Variants in PIGB observed in about 807,000 individuals in gnomAD.
PIGB encodes phosphatidylinositol glycan anchor biosynthesis class B, also known as GPI alpha-1,2-mannosyltransferase 3.
In PIGB, 58 loss-of-function variants were observed where a neutral mutation model predicts 68.4. That is an observed-to-expected ratio of 0.85 (90% CI 0.69 to 1.06). The LOEUF (loss-of-function observed/expected upper bound fraction) is 1.06, where lower values mean the gene tolerates loss of function less well. Among genes scored for constraint, PIGB ranks in the 50% least tolerant of loss-of-function variants. PIGB has a pLI of 0.00. For synonymous variants in PIGB, 219 were observed against 220.5 expected (o/e 0.99, Z 0.06); for missense variants, 634 against 655.8 (o/e 0.97, Z 0.36).
chr15:55,339,183 G>C (rs2055606401), intron 6 of PIGB, 84 bp from the exon 7 acceptor site: 1 of 885,050 alleles, frequency 1.1e-6, no homozygotes, highest in East Asian at 2.7e-5. Flanking sequence ...GGCTTTTGAT[G>C]CAAGGCACGT....
chr15:55,355,169 TTC>T (rs2056048564), intron 11 of PIGB, 115 bp from the exon 12 acceptor site: 2 of 946,872 alleles, frequency 2.1e-6, no homozygotes, highest in East Asian at 2.6e-5. Context: ...TATAAGTTAA[TTC>T]TTTTATTAAG....
At chr15:55,347,877 T>C (rs749564388) in intron 9 of PIGB, among the ~76,000 whole-genome samples, 1 of 152,096 alleles carries the variant, frequency 6.6e-6, no homozygotes, top group Middle Eastern at 3.2e-3. Context: ...ACAAGCATGT[T>C]ATCTTCCAGC....
At chr15:55,345,304 A>G (rs953202611) in intron 9 of PIGB, among the ~76,000 whole-genome samples, 1 of 152,152 alleles carries the variant, frequency 6.6e-6, no homozygotes, top group African/African-American at 2.4e-5. Flanking sequence ...CTCCCCAAAA[A>G]CAATCAGTTA....
chr15:55,327,198 T>C (rs2141171816), intron 3 of PIGB, among the ~76,000 whole-genome samples: 1 of 142,044 alleles, frequency 7.0e-6, no homozygotes, highest in East Asian at 2.1e-4. Flanking sequence ...ATGAGACTGG[T>C]AAATATCATA....
intron 4 of PIGB, 132 bp from the exon 5 acceptor site, chr15:55,329,592 A>G (rs1221366663): frequency 1.2e-5 from 8 of 669,080 alleles, no homozygotes; most frequent in African/African-American, 1.1e-4. Flanking sequence ...GGGCATGCCT[A>G]CTTACTTTAA....
intron 1 of PIGB, 179 bp from the exon 2 acceptor site, chr15:55,320,096 C>G (rs1409224865): frequency 6.7e-6 from 3 of 446,000 alleles, no homozygotes; most frequent in Non-Finnish European, 8.0e-6. Flanking sequence ...TGGCAGTCAC[C>G]CAGTGATGAC....
At chr15:55,351,838 A>G (rs1343470688) in intron 10 of PIGB, 2 of 103,204 alleles carry the variant, frequency 1.9e-5, no homozygotes, top group Non-Finnish European at 3.7e-5. Context: ...CACCAGGTGC[A>G]CTCCAGCCTG....
At chr15:55,332,738 T>G (rs1382422667) in intron 5 of PIGB, among the ~76,000 whole-genome samples, 1 of 152,228 alleles carries the variant, frequency 6.6e-6, no homozygotes, top group Non-Finnish European at 1.5e-5. Context: ...GGTTGTCTTA[T>G]TTTGCTTTCT....
intron 4 of PIGB, among the ~76,000 whole-genome samples, chr15:55,329,055 G>A (rs2055354075): frequency 6.6e-6 from 1 of 152,212 alleles, no homozygotes; most frequent in African/African-American, 2.4e-5. Context: ...TATTTGGTGA[G>A]ATGGGAAGCT....
chr15:55,319,778 A>G (rs915150513), intron 1 of PIGB: 4 of 200,784 alleles, frequency 2.0e-5, no homozygotes, highest in Non-Finnish European at 4.1e-5. Context: ...TGGGGCTAAT[A>G]ATACCTATCC....
At chr15:55,337,197 C>A (rs2055557062) in intron 6 of PIGB, among the ~76,000 whole-genome samples, 1 of 152,166 alleles carries the variant, frequency 6.6e-6, no homozygotes, top group African/African-American at 2.4e-5. Flanking sequence ...TATACATCCA[C>A]CCAAATGGCT....
intron 6 of PIGB, among the ~76,000 whole-genome samples, chr15:55,335,751 G>A (rs1230670709): frequency 1.3e-5 from 2 of 152,040 alleles, no homozygotes; most frequent in South Asian, 2.1e-4. Context: ...AGGCAAAGGG[G>A]CCAGCCAAGT....
chr15:55,347,047 G>A (rs2055810029), intron 9 of PIGB, among the ~76,000 whole-genome samples: 1 of 152,174 alleles, frequency 6.6e-6, no homozygotes, highest in African/African-American at 2.4e-5. Context: ...TCTAACATGT[G>A]CACAAGTCAT....
intron 6 of PIGB, among the ~76,000 whole-genome samples, chr15:55,337,272 T>C (rs1296123611): frequency 6.6e-6 from 1 of 152,198 alleles, no homozygotes; most frequent in Admixed American, 6.5e-5. Flanking sequence ...TGGAAAACTT[T>C]TAAGTACTTA....
chr15:55,336,984 C>T (rs2141191905), intron 6 of PIGB, among the ~76,000 whole-genome samples: 1 of 152,216 alleles, frequency 6.6e-6, no homozygotes, highest in South Asian at 2.1e-4. Context: ...AGTGAGGCTC[C>T]ATCTCAAAAA....
rs2055105689 is a variant in PIGB, at chr15:55,319,286, G to C, written c.36G>C (p.Pro12=). 6.2e-7 allele frequency: 1 copy of C among 1,605,850 alleles called. No homozygotes were observed. Among genetic ancestry groups the C allele is most frequent in the South Asian group, 1.1e-5 (1 of 88,994 alleles). The change falls in exon 1 of 12, where the codon CCG becomes CCC. Residue 12 remains proline, a synonymous_variant. Transcript: ENST00000164305. The stretch of plus-strand genomic sequence containing the variant: ...CCCTAAGCAAGTGCGGAATGGAGCC[G>C]GGGGGCGGAGATGCCAGCCTCACTT... The part of the protein sequence containing the change: ...RRPLSKCGME[P]GGGDASLTLH...
intron 6 of PIGB, among the ~76,000 whole-genome samples, chr15:55,336,068 T>G (rs1450532381): frequency 4.6e-5 from 7 of 152,198 alleles, no homozygotes; most frequent in Non-Finnish European, 2.9e-5. Flanking sequence ...CAGATGCTCC[T>G]TGACTCAGGG....
At chr15:55,345,889 G>T (rs17238262) in intron 9 of PIGB, among the ~76,000 whole-genome samples, 4,344 of 152,108 alleles carry the variant, frequency 0.029, 64 homozygotes, top group Non-Finnish European at 0.035. Flanking sequence ...ACCTTTTGTT[G>T]TTCTTATCTA....
In PIGB at chr15:55,319,240, G is replaced by T; in HGVS notation, c.-11G>T. 6.2e-7 allele frequency: 1 copy of T among 1,601,318 alleles called. No individual in the cohort carries two copies. The highest frequency in any genetic ancestry group is 8.5e-7 in the Non-Finnish European group (1 of 1,174,414). On this transcript the variant is annotated 5_prime_UTR_variant, in exon 1 of 12. Coordinates refer to ENST00000164305, the MANE Select transcript of PIGB (RefSeq NM_004855.5). ...CAGCTTTCTTCCGCCTTAGGAAGGT[G>T]GCGGCCAGGGATGAGGAGGCCCCTA...
Sources: allele counts gnomAD v4.1 joint callset (sites outside exome capture counted in the v4.1 genomes callset), GRCh38; gene constraint gnomAD v4.1.1; transcripts MANE v1.5; gene names NCBI Gene and HGNC (gene_info 2026-07-23, HGNC 2026-07-21).